PLEC: variants seen among roughly 807,000 people sequenced by gnomAD.
PLEC encodes plectin.
A neutral mutation model predicts 392.8 loss-of-function variants in PLEC; 216 were observed. The ratio of observed to expected loss-of-function variants is 0.55; its 90% CI spans 0.49 to 0.62. The LOEUF (loss-of-function observed/expected upper bound fraction) is 0.62, where lower values mean the gene tolerates loss of function less well. PLEC is among the 20% of genes least tolerant of loss of function. The pLI, the probability that PLEC is intolerant of heterozygous loss-of-function variation, is 0.00. For synonymous variants in PLEC, 3,621 were observed against 2,980.6 expected (o/e 1.21, Z -7.00); for missense variants, 6,863 against 6,563.4 (o/e 1.05, Z -1.58).
intron 1 of PLEC, among the ~76,000 whole-genome samples, chr8:143,965,179 T>C (rs1013238059): frequency 5.9e-5 from 9 of 152,110 alleles, no homozygotes; most frequent in African/African-American, 2.2e-4. Flanking sequence ...CCGCTACTCC[T>C]GGAGCCACAC....
intron 1 of PLEC, among the ~76,000 whole-genome samples, chr8:143,948,957 G>A (rs1445738082): frequency 6.6e-6 from 1 of 152,178 alleles, no homozygotes; most frequent in Non-Finnish European, 1.5e-5. Flanking sequence ...GCCTCCTGTC[G>A]GGAGACATGT....
Position 143,934,275 on chromosome 8 carries a change from A to T in PLEC, c.1169+43T>A, listed in dbSNP as rs11783772. 0.37 allele frequency: 591,111 copies of T among 1,608,208 alleles called. 113,851 individuals are homozygous for T. Among genetic ancestry groups the T allele is most frequent in the Non-Finnish European group, 0.4 (466,585 of 1,178,896 alleles). ...GGGGGTTTCCTTCCCAGGCAGTGAC[A>T]CACCCTCGGGTGGTTCCCCTGCCAC... On this transcript the variant is annotated intron_variant, in intron 11 of 31. Transcript: ENST00000345136.
At chr8:143,929,894 C>T (rs1259322419) in intron 22 of PLEC, 42 bp downstream of exon 22, 4 of 1,604,104 alleles carry the variant, frequency 2.5e-6, no homozygotes, top group Middle Eastern at 3.3e-4. Context: ...CGCCTCTCCC[C>T]TCCTCCCACC....
intron 25 of PLEC, 65 bp from the exon 26 acceptor site, chr8:143,928,057 C>A (rs1196322380): frequency 3.3e-6 from 5 of 1,521,056 alleles, no homozygotes; most frequent in African/African-American, 2.8e-5. Flanking sequence ...GGGAATGGAA[C>A]CCAAGCCACA....
chr8:143,927,327 C>A lies in PLEC; in HGVS notation c.3765G>T (p.Leu1255=). 6.2e-7 allele frequency: 1 copy of A among 1,613,104 alleles called. No individual in the cohort carries two copies. The highest frequency in any genetic ancestry group is 8.5e-7 in the Non-Finnish European group (1 of 1,179,942). ...REQLRQEQAL[L]EEIERHGEKV... ...TCTCGCCGTGGCGCTCGATCTCCTCCAGCAGGGCCTGGGTGATGGTGTGGT... is the reference window on the plus strand; with the variant it reads ...TCTCGCCGTGGCGCTCGATCTCCTCAAGCAGGGCCTGGGTGATGGTGTGGT... Residue 1255 remains leucine (L), a synonymous_variant, in exon 28 of 32, where the codon CTG becomes CTT. Transcript: ENST00000345136.
rs1554681842 is a variant in PLEC at position 143,920,453 on chromosome 8, C to T, written c.9368G>A (p.Gly3123Asp). The part of the protein sequence containing the change: ...SVSLFQALKK[G>D]LIPREQGLRL... ...CAGGCCCTGCTCCCGGGGAATGAGG[C>T]CCTTCTTCAGGGCCTGGAACAGGGA... The change falls in exon 32 of 32, where the codon GGC becomes GAC. Residue 3123 changes from glycine (G) to aspartate (D), a missense_variant. Coordinates refer to ENST00000345136, the MANE Select transcript of PLEC (RefSeq NM_201384.3). 3.1e-6 allele frequency: 5 copies of T among 1,601,082 alleles called. No homozygotes were observed. The highest frequency in any genetic ancestry group is 4.3e-6 in the Non-Finnish European group (5 of 1,174,908).
At chr8:143,931,741 G>C in intron 18 of PLEC, 82 bp from the exon 19 acceptor site, 1 of 1,549,816 alleles carries the variant, frequency 6.5e-7, no homozygotes, top group South Asian at 1.2e-5. Flanking sequence ...GGCCCAAGAC[G>C]GGGGCACTGA....
At chr8:143,938,350 T>C in intron 2 of PLEC, 110 bp from the exon 3 acceptor site, 1 of 1,536,106 alleles carries the variant, frequency 6.5e-7, no homozygotes, top group Non-Finnish European at 8.7e-7. Context: ...AGGCGGGGGC[T>C]GAGTCTCCCG....
Position 143,916,662 on chromosome 8 carries a change from A to G in PLEC, c.13159T>C (p.Phe4387Leu). The G allele has an allele frequency of 6.2e-7, 1 of 1,611,270 alleles. No individual in the cohort carries two copies. The highest frequency in any genetic ancestry group is 1.1e-5 in the South Asian group (1 of 91,036). The change falls in exon 32 of 32, where the codon TTC becomes CTC. Residue 4387 changes from phenylalanine to leucine, a missense_variant. Phe to Leu is a conservative substitution (Grantham distance 22, BLOSUM62 0). Transcript: ENST00000345136. ...GWLYYEAGQR[F>L]LEVQYLTGGL... ...CCGGTCAGGTACTGCACCTCCAGGA[A>G]GCGCTGGCCGGCCTCGTAGTAGAGC... is the stretch of plus-strand genomic sequence containing the variant.
At position 143,917,462 on chromosome 8, in the gene PLEC, G is replaced by T. The variant is rs782599720; in HGVS notation, c.12359C>A (p.Pro4120Gln). ...CCGCTCCCGCTTCTTCTCCTTCAGC[G>T]GCAAGAGACACAGGCCCGTCTGGGG... is the stretch of plus-strand genomic sequence containing the variant. ...TDPQTGLCLL[P>Q]LKEKKRERKT... Residue 4120 changes from proline (P) to glutamine (Q), a missense_variant, in exon 32 of 32, where the codon CCG (proline) becomes CAG (glutamine). Transcript: ENST00000345136. 4 of 1,613,722 alleles carry T rather than the reference G, an allele frequency of 2.5e-6. No homozygotes were observed. The highest frequency in any genetic ancestry group is 2.5e-6 in the Non-Finnish European group (3 of 1,180,014).
At chr8:143,944,231 G>C (rs942527071), upstream of PLEC, among the ~76,000 whole-genome samples, 14 of 152,110 alleles carry the variant, frequency 9.2e-5, no homozygotes, top group East Asian at 1.4e-3. Flanking sequence ...GGGGCCAGCC[G>C]CACGCCTGGC....
At position 143,919,994 on chromosome 8, in the gene PLEC, G is replaced by A. The variant is rs782700611; in HGVS notation, c.9827C>T (p.Thr3276Met). 38 of 1,613,132 alleles carry A rather than the reference G, an allele frequency of 2.4e-5. No homozygotes were observed. Among genetic ancestry groups the A allele is most frequent in the African/African-American group, 1.3e-4 (10 of 74,926 alleles). Residue 3276 changes from threonine (T) to methionine (M), a missense_variant, in exon 32 of 32, where the codon ACG becomes ATG. Thr to Met is a moderately conservative substitution (Grantham distance 81). Coordinates refer to ENST00000345136, the MANE Select transcript of PLEC (RefSeq NM_201384.3). ...QRQELLRQFR[T>M]GKVTVEKVIK... is the part of the protein sequence containing the mutation. ...GACCTTCTCCACGGTGACCTTGCCC[G>A]TGCGGAACTGACGCAACAGCTCCTG...
In PLEC at chr8:143,931,497, C is replaced by A. The variant is rs1554715157; in HGVS notation, c.2304+37G>T. 5.1e-6 allele frequency: 8 copies of A among 1,559,360 alleles called. No homozygotes were observed. In the South Asian group the frequency reaches 7.1e-5, roughly 14 times the overall value. ...CCGTGCAGCCCAGACTCCAGGCCAG[C>A]CCCTCCTGACACGCCCCTGCACACC... On this transcript the variant is annotated intron_variant, in intron 19 of 31. Transcript: ENST00000345136.
In PLEC at chr8:143,917,228, C is replaced by T. The variant is rs782499153; in HGVS notation, c.12593G>A (p.Arg4198His). 35 of 1,612,726 alleles carry T rather than the reference C, an allele frequency of 2.2e-5. No homozygotes were observed. The highest frequency in any genetic ancestry group is 2.7e-5 in the African/African-American group (2 of 74,938). The change falls in exon 32 of 32, where the codon CGC (arginine) becomes CAC (histidine). Residue 4198 changes from arginine to histidine, a missense_variant. By Grantham distance (29) the Arg-to-His change is conservative (BLOSUM62 0). Transcript: ENST00000345136. Reference protein sequence around the residue: ...GVVKSMIIDRRSGRQYDIDDA... With the variant: ...GVVKSMIIDRHSGRQYDIDDA... ...ATCGATGTCGTACTGGCGCCCGGAGCGGCGGTCGATGATCATGGACTTGAC... is the reference window on the plus strand; with the variant it reads ...ATCGATGTCGTACTGGCGCCCGGAGTGGCGGTCGATGATCATGGACTTGAC...
chr8:143,956,798 G>A (rs1002956119), upstream of PLEC, among the ~76,000 whole-genome samples: 16 of 152,332 alleles, frequency 1.1e-4, no homozygotes, highest in Non-Finnish European at 1.9e-4. Context: ...GCCTGAGACT[G>A]CCCAGCCCAG....
rs1373897847 is a variant in PLEC, at chr8:143,921,119, G to A, written c.8702C>T (p.Ala2901Val). The change falls in exon 32 of 32, where the codon GCC becomes GTC. Residue 2901 changes from alanine to valine, a missense_variant. Coordinates refer to ENST00000345136, the MANE Select transcript of PLEC (RefSeq NM_201384.3). The stretch of plus-strand genomic sequence containing the variant: ...GGTGGCCTTCTCAAAGACGTCCCGG[G>A]CCTCGGAGTCAGTGTAGACCAGCTC... ...GGELVYTDSE[A>V]RDVFEKATVS... 6.2e-7 allele frequency: 1 copy of A among 1,612,530 alleles called. No homozygotes were observed. The highest frequency in any genetic ancestry group is 8.5e-7 in the Non-Finnish European group (1 of 1,180,048).
rs367862127 is a variant in PLEC, at chr8:143,934,673, C to A, written c.1003G>T (p.Asp335Tyr). 3 of 1,613,122 alleles carry A rather than the reference C, an allele frequency of 1.9e-6. No individual in the cohort carries two copies. The African/African-American group carries it at 4.0e-5, about 21-fold the overall frequency. ...KEMELPAKEADKNRSKGIYQS... is the reference protein window; with the variant it reads ...KEMELPAKEAYKNRSKGIYQS... ...TAGATGCCCTTGGACCTGTTCTTGT[C>A]GGCCTCCTTGGCTGGTAGCTCCATC... Residue 335 changes from aspartate to tyrosine, a missense_variant, in exon 10 of 32, where the codon GAC (aspartate) becomes TAC (tyrosine). Transcript: ENST00000345136.
chr8:143,968,997 C>T (rs1437476236), intron 1 of PLEC, among the ~76,000 whole-genome samples: 1 of 152,192 alleles, frequency 6.6e-6, no homozygotes, highest in Non-Finnish European at 1.5e-5. Context: ...TGAGCAATTC[C>T]ACTCCTAGGT....
upstream of PLEC, chr8:143,975,431 C>T (rs1291493362): frequency 2.8e-6 from 4 of 1,453,776 alleles, no homozygotes; most frequent in African/African-American, 5.6e-5. This position sits in a 1 kb window ranked among gnomAD's most constrained non-coding sequence, Gnocchi z 9.9. Flanking sequence ...GGACTCTGCA[C>T]GCCGACCCAC....
Sources: gnomAD v4.1 joint callset for allele counts (sites outside exome capture counted in the v4.1 genomes callset) on GRCh38, gnomAD v4.1.1 for gene constraint, Gnocchi (gnomAD v3.1) non-coding constraint, MANE v1.5 for transcripts, NCBI Gene and HGNC (gene_info 2026-07-23, HGNC 2026-07-21) for gene names.